Variants in ANHX observed in about 807,000 individuals in gnomAD.
ANHX encodes anomalous homeobox protein.
In ANHX, 20 loss-of-function variants were observed where a neutral mutation model predicts 38.9. The ratio of observed to expected loss-of-function variants is 0.51; its 90% CI spans 0.36 to 0.75. ANHX has a LOEUF of 0.75. ANHX is among the 30% of genes least tolerant of loss of function. The pLI, the probability that ANHX is intolerant of heterozygous loss-of-function variation, is 0.00. For synonymous variants in ANHX, 185 were observed against 203.1 expected (o/e 0.91, Z 0.76); for missense variants, 475 against 493.1 (o/e 0.96, Z 0.35).
At chr12:133,230,760 CAA>C (rs1261759996) in intron 3 of ANHX, among the ~76,000 whole-genome samples, 1 of 64,508 alleles carries the variant, frequency 1.6e-5, no homozygotes, top group Non-Finnish European at 2.6e-5. Context: ...GACCCTGTCT[CAA>C]TTTTTTTTTT....
In ANHX at chr12:133,221,095, G is replaced by A; in HGVS notation, c.1280+110C>T. On this transcript the variant is annotated intron_variant, in intron 8 of 9. Coordinates refer to ENST00000545940, the MANE Select transcript of ANHX (RefSeq NM_001372060.1). This position sits in a 1 kb window ranked among gnomAD's most constrained non-coding sequence, Gnocchi z 4.1. ...TGTTACAGTTTTCAGCAATCCAAAG[G>A]AGAGGACCCTATCTGCACAGTCCGG... 1 of 1,353,446 alleles carries A rather than the reference G, an allele frequency of 7.4e-7. No homozygotes were observed. The highest frequency in any genetic ancestry group is 9.8e-7 in the Non-Finnish European group (1 of 1,021,570). 83.8% of individuals were successfully genotyped at this position (1,353,446 alleles called of 1,614,324 possible). A position where few individuals can be genotyped will look rare whatever the true frequency, so the allele number is the denominator to read the frequency against.
chr12:133,234,018 T>A, intron 2 of ANHX, 90 bp downstream of exon 2: 1 of 1,464,232 alleles, frequency 6.8e-7, no homozygotes. Flanking sequence ...TACTAACTCC[T>A]GGGTACTGCT....
intron 3 of ANHX, among the ~76,000 whole-genome samples, chr12:133,231,011 C>G (rs1957265377): frequency 6.6e-6 from 1 of 152,204 alleles, no homozygotes; most frequent in Non-Finnish European, 1.5e-5. Flanking sequence ...TGACATGTAA[C>G]TCATGCTAAC....
intron 4 of ANHX, 53 bp from the exon 5 acceptor site, chr12:133,227,205 G>T: frequency 6.7e-7 from 1 of 1,497,410 alleles, no homozygotes; most frequent in South Asian, 1.3e-5. Flanking sequence ...TGAGGACAGG[G>T]GGTGTGCAGA....
rs1957066444 is a variant in ANHX at position 133,218,584 on chromosome 12, C to T, written c.*301G>A. On this transcript the variant is annotated 3_prime_UTR_variant, in exon 10 of 10. Coordinates refer to ENST00000545940, the MANE Select transcript of ANHX (RefSeq NM_001372060.1). ...CAGAACACTCCCCTCTCTAGAATGG[C>T]CTTCTCTGCACGAGTGCCCCGGAGC... The T allele has an allele frequency of 4.2e-6, 1 of 236,790 alleles. No individual in the cohort carries two copies. Among genetic ancestry groups the T allele is most frequent in the Non-Finnish European group, 8.1e-6 (1 of 122,928 alleles). 14.7% of individuals were successfully genotyped at this position (236,790 alleles called of 1,614,324 possible).
At position 133,221,382 on chromosome 12, in the gene ANHX, G is replaced by A. The variant is rs1479443967; in HGVS notation, c.1133-30C>T. The A allele has an allele frequency of 3.3e-6, 5 of 1,523,962 alleles. No homozygotes were observed. The highest frequency in any genetic ancestry group is 2.5e-5 in the East Asian group (1 of 40,742). 94.4% of individuals were successfully genotyped at this position (1,523,962 alleles called of 1,614,324 possible). On this transcript the variant is annotated intron_variant, in intron 7 of 9. Coordinates refer to ENST00000545940, the MANE Select transcript of ANHX (RefSeq NM_001372060.1). The surrounding 1 kb of genome is among the most constrained non-coding windows in gnomAD (Gnocchi z 4.1). ...ATGTAATGAGATTCCACGGCACACT[G>A]GCAGGAGAAAGGAGCAGAGCCCACG...
At position 133,227,941 on chromosome 12, in the gene ANHX, G is replaced by A; in HGVS notation, c.384C>T (p.Pro128=). 7.1e-7 allele frequency: 1 copy of A among 1,407,580 alleles called. No homozygotes were observed. Among genetic ancestry groups the A allele is most frequent in the Non-Finnish European group, 9.5e-7 (1 of 1,047,662 alleles). The allele number at this position is 1,407,580 out of a possible 1,614,324, so 87.2% of individuals were successfully genotyped here. Residue 128 remains proline, a synonymous_variant, in exon 4 of 10, where the codon CCC becomes CCT. Transcript: ENST00000545940. ...VQKFRCRKRN[P]PPPSLCPEGL... ...CCTCTGGGCAGAGGGAGGGGGGCGG[G>A]GGGTTCCTGGGTAAGGACAGTGAGG... is the stretch of plus-strand genomic sequence containing the variant.
chr12:133,231,086 C>T (rs1376938652), intron 3 of ANHX, among the ~76,000 whole-genome samples: 1 of 152,190 alleles, frequency 6.6e-6, no homozygotes, highest in Non-Finnish European at 1.5e-5. Flanking sequence ...CCACCCAGAG[C>T]CCAGATTGTG....
chr12:133,225,188 G>C (rs1957173241), intron 7 of ANHX, among the ~76,000 whole-genome samples: 1 of 152,054 alleles, frequency 6.6e-6, no homozygotes, highest in Admixed American at 6.6e-5. Context: ...GACAAGCGGG[G>C]AGTCTAAGGA....
intron 8 of ANHX, among the ~76,000 whole-genome samples, chr12:133,220,462 G>GT (rs1478913821): frequency 6.6e-6 from 1 of 152,328 alleles, no homozygotes; most frequent in Non-Finnish European, 1.5e-5. Flanking sequence ...CAGTCAGGCT[G>GT]TTTGAGCAAG....
rs1010899928 is a variant in ANHX, at chr12:133,234,060, A to G, written c.249+48T>C. On this transcript the variant is annotated intron_variant, in intron 2 of 9. Coordinates refer to ENST00000545940, the MANE Select transcript of ANHX (RefSeq NM_001372060.1). ...CCGGAGATGGGTGGAGGCTGCCTAA[A>G]GAAGTTGCTACCTCTCTCTGTACCC... 5.9e-6 allele frequency: 9 copies of G among 1,518,584 alleles called. No homozygotes were observed. The African/African-American group carries it at 1.1e-4, about 19-fold the overall frequency. 94.1% of individuals were successfully genotyped at this position (1,518,584 alleles called of 1,614,324 possible). A position where few individuals can be genotyped will look rare whatever the true frequency, so the allele number is the denominator to read the frequency against.
At chr12:133,228,254 T>C (rs1957217767) in intron 3 of ANHX, among the ~76,000 whole-genome samples, 1 of 151,420 alleles carries the variant, frequency 6.6e-6, no homozygotes, top group African/African-American at 2.4e-5. Context: ...TCCTCACATG[T>C]AGACATCCTC....
chr12:133,218,667 G>A lies in ANHX; in HGVS notation c.*218C>T, dbSNP rs377474311. 9 of 411,612 alleles carry A rather than the reference G, an allele frequency of 2.2e-5. No individual in the cohort carries two copies. The highest frequency in any genetic ancestry group is 8.1e-5 in the Admixed American group (2 of 24,662). 25.5% of individuals were successfully genotyped at this position (411,612 alleles called of 1,614,324 possible). Reference sequence around the variant, plus strand: ...ACCCACCTTTGACTTCTGATCTCACGAACATTTCTCAAATGCTTTCTCTAC... The same window carrying A: ...ACCCACCTTTGACTTCTGATCTCACAAACATTTCTCAAATGCTTTCTCTAC... On this transcript the variant is annotated 3_prime_UTR_variant, in exon 10 of 10. Transcript: ENST00000545940.
chr12:133,218,629 G>GT lies in ANHX; in HGVS notation c.*255dup, dbSNP rs1234710949. ...CGGAGCCCGACTGATCCAGTGCTGC[G>GT]TGAGTGGGACAGACCCACCTTTGAC... On this transcript the variant is annotated 3_prime_UTR_variant, in exon 10 of 10. Coordinates refer to ENST00000545940, the MANE Select transcript of ANHX (RefSeq NM_001372060.1). The GT allele has an allele frequency of 3.0e-6, 1 of 328,702 alleles. No individual in the cohort carries two copies. Among genetic ancestry groups the GT allele is most frequent in the Non-Finnish European group, 5.5e-6 (1 of 180,554 alleles). 20.4% of individuals were successfully genotyped at this position (328,702 alleles called of 1,614,324 possible).
In ANHX at chr12:133,219,360, C is replaced by G. The variant is rs1398918860; in HGVS notation, c.1288G>C (p.Glu430Gln). The change falls in exon 9 of 10, where the codon GAG becomes CAG. Residue 430 changes from glutamate to glutamine, a missense_variant. Glu to Gln is a conservative substitution (Grantham distance 29). Coordinates refer to ENST00000545940, the MANE Select transcript of ANHX (RefSeq NM_001372060.1). The part of the protein sequence containing the change: ...PEFILTQSPP[E>Q]LAPAPSAFPG... ...AAGGCAGATGGGGCTGGGGCCAGCT[C>G]TGGAGGGCTGGAAAAGAGACAGTGT... is the stretch of plus-strand genomic sequence containing the variant. 2 of 1,527,576 alleles carry G rather than the reference C, an allele frequency of 1.3e-6. No homozygotes were observed. Among genetic ancestry groups the G allele is most frequent in the Non-Finnish European group, 1.7e-6 (2 of 1,143,036 alleles). The allele number at this position is 1,527,576 out of a possible 1,614,324, so 94.6% of individuals were successfully genotyped here. A position where few individuals can be genotyped will look rare whatever the true frequency, so the allele number is the denominator to read the frequency against.
rs1433006947 is a variant in ANHX, at chr12:133,221,315, C to A, written c.1170G>T (p.Val390=). The A allele has an allele frequency of 1.3e-6, 2 of 1,536,030 alleles. No homozygotes were observed. The highest frequency in any genetic ancestry group is 4.9e-5 in the East Asian group (2 of 40,904). The change falls in exon 8 of 10, where the codon GTG becomes GTT. Residue 390 remains valine (V), a synonymous_variant. Transcript: ENST00000545940. The surrounding 1 kb of genome is among the most constrained non-coding windows in gnomAD (Gnocchi z 4.1). ...TTGTGCCCAGACCCTCCTCCAATTG[C>A]ACGCTCTGGGGATGGCCGCTGGGGG... The part of the protein sequence containing the change: ...SGPPSGHPQS[V]QLEEGLGTSS...
intron 3 of ANHX, 82 bp from the exon 4 acceptor site, chr12:133,228,029 A>AG: frequency 6.8e-7 from 1 of 1,480,940 alleles, no homozygotes; most frequent in Non-Finnish European, 9.0e-7. Flanking sequence ...CCTCTGCAGA[A>AG]GGTGACACTT....
chr12:133,221,144 A>C lies in ANHX; in HGVS notation c.1280+61T>G. ...GGGACGGTGAGTCTATAAACTGGGC[A>C]TTACCCTATCTTGTGGCCTGTGGAA... On this transcript the variant is annotated intron_variant, in intron 8 of 9. Coordinates refer to ENST00000545940, the MANE Select transcript of ANHX (RefSeq NM_001372060.1). The surrounding 1 kb of genome is among the most constrained non-coding windows in gnomAD (Gnocchi z 4.1). 6.6e-7 allele frequency: 1 copy of C among 1,520,738 alleles called. No individual in the cohort carries two copies. The highest frequency in any genetic ancestry group is 2.5e-5 in the East Asian group (1 of 40,674). The allele number at this position is 1,520,738 out of a possible 1,614,324, so 94.2% of individuals were successfully genotyped here.
chr12:133,231,778 T>C (rs1053011771), intron 2 of ANHX, 134 bp from the exon 3 acceptor site: 1 of 1,163,110 alleles, frequency 8.6e-7, no homozygotes, highest in African/African-American at 1.5e-5. Context: ...GGGTTCAAAT[T>C]CACTGATTTT....
Sources: gnomAD v4.1 joint callset for allele counts (sites outside exome capture counted in the v4.1 genomes callset) on GRCh38, gnomAD v4.1.1 for gene constraint, Gnocchi (gnomAD v3.1) non-coding constraint, MANE v1.5 for transcripts, NCBI Gene and HGNC (gene_info 2026-07-23, HGNC 2026-07-21) for gene names.